MAP2K5: variants seen among roughly 807,000 people sequenced by gnomAD.
MAP2K5 encodes the protein dual specificity mitogen-activated protein kinase kinase 5.
In MAP2K5, 49 loss-of-function variants were observed where a neutral mutation model predicts 83.1. The observed-to-expected ratio is 0.59, with a 90% CI of 0.47 to 0.75. MAP2K5 has a LOEUF of 0.75. Ranked by LOEUF, MAP2K5 falls within the 30% of genes least tolerant of loss-of-function variation. MAP2K5 has a pLI of 0.00. For missense variants in MAP2K5, 457 were observed against 557.5 expected, an observed-to-expected ratio of 0.82 and a Z score of 1.82; for synonymous variants, 202 against 191.8, an observed-to-expected ratio of 1.05 and a Z score of -0.44.
rs79642182 is a variant in MAP2K5 at position 67,637,159 on chromosome 15, G to A, written c.585+6232G>A. On this transcript the variant is annotated intron_variant, in intron 9 of 21. Transcript: ENST00000178640. This position sits in a 1 kb window ranked among gnomAD's most constrained non-coding sequence, Gnocchi z 4.5. ...GGCTTCCCTACTTTTGAGGTTTTCA[G>A]ACTTGGACTGGCTTCCTTGCTCCTC... Among the ~76,000 whole-genome samples, 2,279 of 152,272 alleles carry A rather than the reference G, an allele frequency of 0.015. 61 individuals carry two copies. Among genetic ancestry groups the A allele is most frequent in the African/African-American group, 0.052 (2,174 of 41,536 alleles).
rs558830191 is a variant in MAP2K5, at chr15:67,781,401, T to A, written c.1242+8649T>A. 6.1e-4 allele frequency among the ~76,000 whole-genome samples: 93 copies of A among 152,248 alleles called. No homozygotes were observed. The South Asian group carries it at 0.019, about 32-fold the overall frequency. On this transcript the variant is annotated intron_variant, in intron 21 of 21. Coordinates refer to ENST00000178640, the MANE Select transcript of MAP2K5 (RefSeq NM_145160.3). The surrounding 1 kb of genome is among the most constrained non-coding windows in gnomAD (Gnocchi z 4.0). ...GAGAGAGACCTTTGGGGATTGTGAG[T>A]CTTGTGGTTTCGGATACAGAGTTAT...
rs1232846844 is a variant in MAP2K5, at chr15:67,785,573, T to C, written c.1242+12821T>C. On this transcript the variant is annotated intron_variant, in intron 21 of 21. Transcript: ENST00000178640. The surrounding 1 kb of genome is among the most constrained non-coding windows in gnomAD (Gnocchi z 4.4). The stretch of plus-strand genomic sequence containing the variant: ...GAAGCCAAACAATCGGGGTCCATCT[T>C]GAAGGGAGAGGGGAAACAGCAAGGA... 6.6e-6 allele frequency among the ~76,000 whole-genome samples: 1 copy of C among 152,068 alleles called. No homozygotes were observed. The highest frequency in any genetic ancestry group is 6.6e-5 in the Admixed American group (1 of 15,260).
intron 17 of MAP2K5, among the ~76,000 whole-genome samples, chr15:67,737,326 C>T (rs1218902096): frequency 1.3e-5 from 2 of 152,138 alleles, no homozygotes; most frequent in Non-Finnish European, 2.9e-5. Context: ...TTACTTATCA[C>T]CATTCAGTAT....
At chr15:67,732,451 C>T (rs2089242239) in intron 17 of MAP2K5, among the ~76,000 whole-genome samples, 1 of 152,140 alleles carries the variant, frequency 6.6e-6, no homozygotes, top group Non-Finnish European at 1.5e-5. Context: ...ATAATACAGA[C>T]ACAAATGTAT....
intron 8 of MAP2K5, 63 bp from the exon 9 acceptor site, chr15:67,630,825 C>T (rs933587690): frequency 7.5e-6 from 9 of 1,202,018 alleles, no homozygotes; most frequent in Non-Finnish European, 1.1e-5. Flanking sequence ...ACATTTATGT[C>T]CTTAACCATT....
At chr15:67,590,555 G>A (rs937836514) in intron 6 of MAP2K5, among the ~76,000 whole-genome samples, 1 of 150,758 alleles carries the variant, frequency 6.6e-6, no homozygotes, top group Non-Finnish European at 1.5e-5. Context: ...CCACAGCTTC[G>A]ACCTCCTGGC....
At position 67,757,393 on chromosome 15, in the gene MAP2K5, A is replaced by G. The variant is rs372965288; in HGVS notation, c.1134+8792A>G. On this transcript the variant is annotated intron_variant, in intron 19 of 21. Transcript: ENST00000178640. This position sits in a 1 kb window ranked among gnomAD's most constrained non-coding sequence, Gnocchi z 4.9. The stretch of plus-strand genomic sequence containing the variant: ...GCCCTTGACCCCTTTATGTTGCTCA[A>G]AAACCCAACCTATAAAATAGATGAA... Among the ~76,000 whole-genome samples the G allele has an allele frequency of 6.6e-6, 1 of 152,190 alleles. No homozygotes were observed. The highest frequency in any genetic ancestry group is 1.9e-4 in the East Asian group (1 of 5,196).
chr15:67,613,154 A>G (rs1011639350), intron 8 of MAP2K5, among the ~76,000 whole-genome samples: 1 of 152,196 alleles, frequency 6.6e-6, no homozygotes, highest in Non-Finnish European at 1.5e-5. Context: ...TGGCAGTTTA[A>G]TTAGAAGCTG....
chr15:67,751,146 T>C (rs1398782529), intron 19 of MAP2K5, among the ~76,000 whole-genome samples: 2 of 152,098 alleles, frequency 1.3e-5, no homozygotes, highest in Non-Finnish European at 2.9e-5. Context: ...GGTGGAATCA[T>C]GGAACAAAGC....
rs184919225 is a variant in MAP2K5 at position 67,598,846 on chromosome 15, T to G, written c.481-1839T>G. On this transcript the variant is annotated intron_variant, in intron 7 of 21. Transcript: ENST00000178640. ...GCCACAAATGCAGAATTTGTGTACT[T>G]GAGTGAGTGAAATGTCTCTCGTAGA... is the stretch of plus-strand genomic sequence containing the variant. Among the ~76,000 whole-genome samples the G allele has an allele frequency of 1.1e-3, 173 of 152,316 alleles. 1 individual carries two copies. The highest frequency in any genetic ancestry group is 3.9e-3 in the African/African-American group (164 of 41,570).
At position 67,565,209 on chromosome 15, in the gene MAP2K5, T is replaced by A. The variant is rs2084814001; in HGVS notation, c.252+1859T>A. On this transcript the variant is annotated intron_variant, in intron 3 of 21. Coordinates refer to ENST00000178640, the MANE Select transcript of MAP2K5 (RefSeq NM_145160.3). The surrounding 1 kb of genome is among the most constrained non-coding windows in gnomAD (Gnocchi z 4.1). ...TCCCCCACCTTCCTCTTTGCAGGATTTTTTTTATGTCATCACTGTTATTTA... is the reference window on the plus strand; with the variant it reads ...TCCCCCACCTTCCTCTTTGCAGGATATTTTTTATGTCATCACTGTTATTTA... Among the ~76,000 whole-genome samples the A allele has an allele frequency of 6.6e-6, 1 of 152,096 alleles. No individual in the cohort carries two copies. The highest frequency in any genetic ancestry group is 6.5e-5 in the Admixed American group (1 of 15,270).
At chr15:67,627,342 G>A (rs573908176) in intron 8 of MAP2K5, among the ~76,000 whole-genome samples, 9 of 152,168 alleles carry the variant, frequency 5.9e-5, no homozygotes, top group African/African-American at 1.9e-4. Flanking sequence ...ATAATTCTTT[G>A]GTAAAGTAAA....
chr15:67,683,419 TTATGA>T (rs763989932), intron 13 of MAP2K5, among the ~76,000 whole-genome samples: 8 of 152,208 alleles, frequency 5.3e-5, no homozygotes, highest in Non-Finnish European at 1.0e-4. Flanking sequence ...TCAAGGTGGT[TTATGA>T]TATAAGGTCA....
chr15:67,767,875 A>C (rs553291836), intron 19 of MAP2K5, among the ~76,000 whole-genome samples: 1 of 151,348 alleles, frequency 6.6e-6, no homozygotes, highest in African/African-American at 2.4e-5. Context: ...ATTTTATTTC[A>C]CTCCCATTTT....
chr15:67,804,144 C>T (rs1312917405), intron 21 of MAP2K5, among the ~76,000 whole-genome samples: 1 of 152,180 alleles, frequency 6.6e-6, no homozygotes, highest in East Asian at 1.9e-4. Flanking sequence ...CGTCACGACC[C>T]CCCGCCTGCC....
intron 8 of MAP2K5, among the ~76,000 whole-genome samples, chr15:67,617,205 A>G (rs2141057693): frequency 6.6e-6 from 1 of 152,284 alleles, no homozygotes; most frequent in South Asian, 2.1e-4. Context: ...GTTATGCTGA[A>G]ATCTGAAATA....
chr15:67,799,392 G>A (rs534703301), intron 21 of MAP2K5, among the ~76,000 whole-genome samples: 1 of 152,334 alleles, frequency 6.6e-6, no homozygotes, highest in South Asian at 2.1e-4. Flanking sequence ...CCTGCCCAGA[G>A]TATATCTGTG....
intron 9 of MAP2K5, among the ~76,000 whole-genome samples, chr15:67,645,433 G>T (rs149300562): frequency 2.3e-3 from 326 of 140,846 alleles, no homozygotes; most frequent in Middle Eastern, 5.1e-3. Context: ...AACCAAGATC[G>T]CCCCACTGCA....
rs1435314987 is a variant in MAP2K5, at chr15:67,679,402, C to G, written c.848-13077C>G. Among the ~76,000 whole-genome samples the G allele has an allele frequency of 2.0e-5, 3 of 152,206 alleles. No homozygotes were observed. The East Asian group carries it at 5.8e-4, about 29-fold the overall frequency. On this transcript the variant is annotated intron_variant, in intron 13 of 21. Coordinates refer to ENST00000178640, the MANE Select transcript of MAP2K5 (RefSeq NM_145160.3). ...GGCCAATTCAGTGGGGGGAAAAAATCAGTCCAGCCTGAAAATCAGAGCAGC... is the reference window on the plus strand; with the variant it reads ...GGCCAATTCAGTGGGGGGAAAAAATGAGTCCAGCCTGAAAATCAGAGCAGC...
Sources: gnomAD v4.1 joint callset for allele counts (sites outside exome capture counted in the v4.1 genomes callset) on GRCh38, gnomAD v4.1.1 for gene constraint, Gnocchi (gnomAD v3.1) non-coding constraint, MANE v1.5 for transcripts, NCBI Gene and HGNC (gene_info 2026-07-23, HGNC 2026-07-21) for gene names.